Variants in RFC3 observed in about 807,000 individuals in gnomAD.
RFC3 encodes the protein A1 38 kDa subunit.
RFC3 carries 41 observed loss-of-function variants against 45.1 expected under a neutral mutation model. The observed-to-expected ratio is 0.91, with a 90% CI of 0.71 to 1.18. The LOEUF (loss-of-function observed/expected upper bound fraction) is 1.18, where lower values mean the gene tolerates loss of function less well. Among genes scored for constraint, RFC3 ranks in the 50% most tolerant of loss-of-function variants. The probability of loss-of-function intolerance (pLI) is 0.00; values close to 1 mark genes in which losing one functional copy is unlikely to be tolerated. For synonymous variants in RFC3, 149 were observed against 144.0 expected (o/e 1.03, Z -0.25); for missense variants, 423 against 428.1 (o/e 0.99, Z 0.10).
chr13:33,961,573 A>T (rs1426845420), intron 8 of RFC3, among the ~76,000 whole-genome samples: 3 of 152,250 alleles, frequency 2.0e-5, no homozygotes, highest in Non-Finnish European at 4.4e-5. Context: ...TTGAAAGCAC[A>T]CAAAGAAAAA....
At chr13:33,839,180 A>G (rs1047983832), downstream of RFC3, among the ~76,000 whole-genome samples, 10 of 152,156 alleles carry the variant, frequency 6.6e-5, no homozygotes, top group African/African-American at 2.2e-4. Flanking sequence ...TCCGTCAGTT[A>G]TATGTGTGAG....
At chr13:33,956,595 T>C (rs879485569) in intron 8 of RFC3, among the ~76,000 whole-genome samples, 3 of 152,216 alleles carry the variant, frequency 2.0e-5, no homozygotes, top group Non-Finnish European at 4.4e-5. Context: ...GCATGACTGT[T>C]ATGTAGTTCA....
At chr13:33,905,401 G>A (rs1398655692) in intron 8 of RFC3, among the ~76,000 whole-genome samples, 1 of 151,136 alleles carries the variant, frequency 6.6e-6, no homozygotes, top group Non-Finnish European at 1.5e-5. Context: ...CATCATCGCT[G>A]ATTTCTTTCA....
intron 8 of RFC3, among the ~76,000 whole-genome samples, chr13:33,885,390 A>G (rs1176498500): frequency 6.6e-6 from 1 of 152,132 alleles, no homozygotes; most frequent in African/African-American, 2.4e-5. Context: ...TGTTACATGC[A>G]TATACTGCAT....
intron 8 of RFC3, among the ~76,000 whole-genome samples, chr13:33,929,298 A>G (rs1050324499): frequency 9.2e-5 from 14 of 152,124 alleles, no homozygotes; most frequent in African/African-American, 2.7e-4. Flanking sequence ...AACCACAGCC[A>G]GTACACTTGT....
intron 8 of RFC3, among the ~76,000 whole-genome samples, chr13:33,921,928 C>T (rs1301179196): frequency 1.3e-5 from 2 of 152,106 alleles, no homozygotes; most frequent in Non-Finnish European, 2.9e-5. Flanking sequence ...GGAGTCCAGT[C>T]AGAGAAATCT....
chr13:33,870,132 C>T (rs946880703), intron 8 of RFC3, among the ~76,000 whole-genome samples: 1 of 152,126 alleles, frequency 6.6e-6, no homozygotes, highest in Non-Finnish European at 1.5e-5. Context: ...GGTGAAAATC[C>T]TCATAAAATC....
At chr13:33,821,335 T>A in intron 2 of RFC3, 66 bp downstream of exon 2, 6 of 1,485,512 alleles carry the variant, frequency 4.0e-6, no homozygotes, top group Non-Finnish European at 5.6e-6. Flanking sequence ...TGGTCATGTA[T>A]GTCCCCCCAA....
At chr13:33,966,164 C>G (rs755186338) in exon 9 of RFC3, 1 of 1,532,542 alleles carries the variant, frequency 6.5e-7, no homozygotes, top group East Asian at 2.2e-5. Flanking sequence ...CTGGACTTCT[C>G]TCATCTTTTA....
intron 8 of RFC3, among the ~76,000 whole-genome samples, chr13:33,928,524 G>A (rs2082830664): frequency 6.6e-6 from 1 of 152,100 alleles, no homozygotes; most frequent in Non-Finnish European, 1.5e-5. Flanking sequence ...TGGGCATGTT[G>A]AGGTGAGTTA....
intron 8 of RFC3, among the ~76,000 whole-genome samples, chr13:33,883,144 A>G (rs1163069454): frequency 6.6e-6 from 1 of 152,230 alleles, no homozygotes; most frequent in Non-Finnish European, 1.5e-5. Context: ...CATGTAATTG[A>G]TGGGTCATGT....
At chr13:33,960,465 T>A (rs534338153) in intron 8 of RFC3, among the ~76,000 whole-genome samples, 2 of 152,320 alleles carry the variant, frequency 1.3e-5, no homozygotes, top group African/African-American at 2.4e-5. Flanking sequence ...AATTATTTTT[T>A]AAATTTGCAT....
At chr13:33,863,791 CT>C (rs1206876567) in intron 8 of RFC3, among the ~76,000 whole-genome samples, 1 of 152,178 alleles carries the variant, frequency 6.6e-6, no homozygotes, top group Non-Finnish European at 1.5e-5. Flanking sequence ...GTTGAGAACC[CT>C]GGGATCTTGC....
chr13:33,887,670 T>A (rs2082534976), intron 8 of RFC3, among the ~76,000 whole-genome samples: 1 of 152,240 alleles, frequency 6.6e-6, no homozygotes, highest in Admixed American at 6.5e-5. Flanking sequence ...TAGTTGCCAT[T>A]GCTTTTGGTG....
At chr13:33,857,410 C>T (rs1446212202) in intron 8 of RFC3, among the ~76,000 whole-genome samples, 3 of 152,208 alleles carry the variant, frequency 2.0e-5, no homozygotes, top group Middle Eastern at 3.4e-3. Flanking sequence ...ACATTTAAGC[C>T]GCCTGCCCTT....
chr13:33,826,424 C>T (rs1363280263), intron 4 of RFC3, among the ~76,000 whole-genome samples: 1 of 152,166 alleles, frequency 6.6e-6, no homozygotes, highest in Non-Finnish European at 1.5e-5. Flanking sequence ...TTTACCAACA[C>T]TGAGGATAAT....
At chr13:33,839,337 C>G (rs1189013349), downstream of RFC3, among the ~76,000 whole-genome samples, 1 of 152,146 alleles carries the variant, frequency 6.6e-6, no homozygotes, top group African/African-American at 2.4e-5. Flanking sequence ...TGAACCAAGT[C>G]TGCCATTTTT....
intron 8 of RFC3, among the ~76,000 whole-genome samples, chr13:33,918,504 G>T (rs2082747092): frequency 6.6e-6 from 1 of 152,090 alleles, no homozygotes; most frequent in Non-Finnish European, 1.5e-5. Flanking sequence ...GAGAATGCTT[G>T]CAAAATGCTG....
chr13:33,902,775 G>T lies in RFC3; in HGVS notation c.880-63312G>T, dbSNP rs114003716. The stretch of plus-strand genomic sequence containing the variant: ...TCCGTTATCCACAGAACCACCAGAG[G>T]AAGTTTTAAAAGAGGTAAATTAGAT... On this transcript the variant is annotated intron_variant, in intron 8 of 8. Coordinates refer to the RFC3 transcript ENST00000434425. Among the ~76,000 whole-genome samples, 1,167 of 152,042 alleles carry T rather than the reference G, an allele frequency of 7.7e-3. 15 individuals are homozygous for T. The highest frequency in any genetic ancestry group is 0.027 in the African/African-American group (1,104 of 41,476).
Sources: allele counts gnomAD v4.1 joint callset (sites outside exome capture counted in the v4.1 genomes callset), GRCh38; gene constraint gnomAD v4.1.1; transcripts MANE v1.5; gene names NCBI Gene and HGNC (gene_info 2026-07-23, HGNC 2026-07-21).